The following SPDYE10 variants were observed in gnomAD, a reference collection of about 807,000 sequenced individuals.
The protein encoded by SPDYE10 is speedy/RINGO cell cycle regulator family member E10.
At chr7:73,131,203 TAA>T in the SPDYE10 span, among the ~76,000 whole-genome samples, 96 of 114,052 alleles carry the variant, frequency 8.4e-4, no homozygotes, top group Non-Finnish European at 6.6e-4. Context: ...ACTGTCTCTT[TAA>T]AAAAAAAAAA....
the SPDYE10 span, among the ~76,000 whole-genome samples, chr7:73,138,213 C>T: frequency 1.3e-5 from 2 of 151,118 alleles, no homozygotes; most frequent in African/African-American, 2.4e-5. Flanking sequence ...AAGGAGTGGC[C>T]TCTGCCATCC....
the SPDYE10 span, among the ~76,000 whole-genome samples, chr7:73,131,316 G>C: frequency 6.7e-6 from 1 of 149,684 alleles, no homozygotes; most frequent in African/African-American, 2.5e-5. Flanking sequence ...GAGAACAGGA[G>C]CTGAAACAGC....
At chr7:73,150,895 CAA>C in the SPDYE10 span, among the ~76,000 whole-genome samples, 6 of 1,222 alleles carry the variant, frequency 4.9e-3, 1 homozygote, top group East Asian at 0.042. Flanking sequence ...GACCCTGTCT[CAA>C]AAAAAAAAAA....
chr7:73,143,721 G>T, the SPDYE10 span, among the ~76,000 whole-genome samples: 2 of 152,170 alleles, frequency 1.3e-5, no homozygotes, highest in African/African-American at 4.8e-5. Context: ...GTTTTGAGAT[G>T]GAGTCTTGCT....
At chr7:73,132,686 G>A in the SPDYE10 span, among the ~76,000 whole-genome samples, 1 of 151,504 alleles carries the variant, frequency 6.6e-6, no homozygotes, top group Admixed American at 6.6e-5. Context: ...CTCTGTTTGG[G>A]AGTTGAACAG....
chr7:73,121,183 A>G, the SPDYE10 span, among the ~76,000 whole-genome samples: 1 of 148,316 alleles, frequency 6.7e-6, no homozygotes, highest in Non-Finnish European at 1.5e-5. Context: ...TGCTATCAGT[A>G]TGCCTTCCAA....
the SPDYE10 span, among the ~76,000 whole-genome samples, chr7:73,124,636 A>G: frequency 1.5e-4 from 22 of 147,690 alleles, no homozygotes; most frequent in Admixed American, 9.5e-4. Context: ...TTTGTAGGCT[A>G]CAAGATTCCG....
the SPDYE10 span, among the ~76,000 whole-genome samples, chr7:73,115,430 G>T: frequency 1.3e-5 from 2 of 151,562 alleles, no homozygotes; most frequent in Admixed American, 1.3e-4. Flanking sequence ...CACCTGGAGG[G>T]TGCCAGGCAT....
At chr7:73,134,634 G>A in the SPDYE10 span, among the ~76,000 whole-genome samples, 1 of 152,252 alleles carries the variant, frequency 6.6e-6, no homozygotes. Flanking sequence ...GGCTGAGGCG[G>A]GCAGCTCACT....
the SPDYE10 span, among the ~76,000 whole-genome samples, chr7:73,113,952 G>A: frequency 1.3e-5 from 2 of 151,752 alleles, no homozygotes; most frequent in Non-Finnish European, 2.9e-5. Flanking sequence ...CGTGAACCCA[G>A]GAGGCGGCAC....
At chr7:73,142,998 GGAAGGA>G in the SPDYE10 span, among the ~76,000 whole-genome samples, 1 of 142,364 alleles carries the variant, frequency 7.0e-6, no homozygotes, top group African/African-American at 2.6e-5. Context: ...AAGGAAGGAA[GGAAGGA>G]AGGAAGGAAG....
chr7:73,135,529 CT>C, the SPDYE10 span, among the ~76,000 whole-genome samples: 74 of 120,816 alleles, frequency 6.1e-4, no homozygotes, highest in East Asian at 9.4e-3. Flanking sequence ...TCTTTCTTTT[CT>C]TTTTTTTTTT....
the SPDYE10 span, among the ~76,000 whole-genome samples, chr7:73,135,406 G>GCATTCATTCATT: frequency 3.9e-3 from 570 of 146,344 alleles, 22 homozygotes; most frequent in African/African-American, 7.9e-3. Flanking sequence ...CTTTGTCCAC[G>GCATTCATTCATT]CATTCATTCA....
chr7:73,104,525 A>T, the SPDYE10 span: 2 of 101,716 alleles, frequency 2.0e-5, no homozygotes, highest in African/African-American at 6.6e-5. Context: ...TAAATAAATA[A>T]ATATATTTAA....
chr7:73,152,387 C>T, the SPDYE10 span, among the ~76,000 whole-genome samples: 595 of 140,578 alleles, frequency 4.2e-3, 2 homozygotes, highest in African/African-American at 0.016. Context: ...CCATTTCCAA[C>T]ATTTTTTTTT....
At chr7:73,134,806 G>A in the SPDYE10 span, among the ~76,000 whole-genome samples, 1 of 152,284 alleles carries the variant, frequency 6.6e-6, no homozygotes, top group African/African-American at 2.4e-5. Context: ...AGGTTGCAGG[G>A]AGCCAGGATC....
chr7:73,120,461 A>T, the SPDYE10 span, among the ~76,000 whole-genome samples: 1 of 41,956 alleles, frequency 2.4e-5, no homozygotes, highest in Non-Finnish European at 4.6e-5. Flanking sequence ...ATGGCAGCAA[A>T]AGTCTCTCAG....
At chr7:73,113,751 C>A in the SPDYE10 span, among the ~76,000 whole-genome samples, 5 of 151,448 alleles carry the variant, frequency 3.3e-5, no homozygotes, top group East Asian at 1.9e-4. Context: ...AAAAATTAGA[C>A]GGGGCCAGGT....
chr7:73,123,942 T>C, the SPDYE10 span, among the ~76,000 whole-genome samples: 1 of 151,482 alleles, frequency 6.6e-6, no homozygotes, highest in African/African-American at 2.4e-5. Flanking sequence ...GGGGTTTTTT[T>C]GTTTTTTTGT....
Sources: gnomAD v4.1 joint callset for allele counts (sites outside exome capture counted in the v4.1 genomes callset) on GRCh38, gnomAD v4.1.1 for gene constraint, MANE v1.5 for transcripts, NCBI Gene and HGNC (gene_info 2026-07-23, HGNC 2026-07-21) for gene names.